Variants in ANKRD30B observed in about 807,000 individuals in gnomAD.
ANKRD30B encodes ankyrin repeat domain 30B.
In ANKRD30B, 144 loss-of-function variants were observed where a neutral mutation model predicts 202.2. The observed-to-expected ratio is 0.71, with a 90% CI of 0.62 to 0.82. The LOEUF is 0.82. Ranked by LOEUF, ANKRD30B falls within the 40% of genes least tolerant of loss-of-function variation. The probability of loss-of-function intolerance (pLI) is 0.00; values close to 1 mark genes in which losing one functional copy is unlikely to be tolerated. For missense variants in ANKRD30B, 1,487 were observed against 1,669.1 expected (o/e 0.89, Z 1.90); for synonymous variants, 508 against 561.3 (o/e 0.91, Z 1.34).
chr18:14,925,434 C>T, the ANKRD30B span, among the ~76,000 whole-genome samples: 4 of 152,252 alleles, frequency 2.6e-5, no homozygotes, highest in Non-Finnish European at 5.9e-5. Flanking sequence ...CCTTTCCTCA[C>T]ATTCGGCTCT....
rs1298284006 is a variant in ANKRD30B, at chr18:14,831,345, A to G, written c.2775-38A>G. On this transcript the variant is annotated intron_variant, in intron 33 of 43. Transcript: ENST00000690538. ...ACTGGCAGGTTTTCTTTTTAAATAT[A>G]TGAATTTGCTCATTTTTGTTTTATC... 2.5e-5 allele frequency: 33 copies of G among 1,316,658 alleles called. No individual in the cohort carries two copies. The East Asian group carries it at 8.4e-4, about 33-fold the overall frequency. The allele number at this position is 1,316,658 out of a possible 1,614,324, so 81.6% of individuals were successfully genotyped here. A position where few individuals can be genotyped will look rare whatever the true frequency, so the allele number is the denominator to read the frequency against.
intron 24 of ANKRD30B, among the ~76,000 whole-genome samples, chr18:14,805,189 A>T (rs1253739644): frequency 6.6e-6 from 1 of 150,898 alleles, no homozygotes; most frequent in Non-Finnish European, 1.5e-5. Context: ...ATTTTATAAA[A>T]CCTCATTAGC....
intron 4 of ANKRD30B, 79 bp from the exon 5 acceptor site, chr18:14,757,736 T>C: frequency 6.2e-6 from 9 of 1,441,820 alleles, no homozygotes; most frequent in Middle Eastern, 4.5e-4. Context: ...TGTTAGTACA[T>C]GTAAATGGTT....
At chr18:14,828,222 C>T (rs1970745237) in intron 32 of ANKRD30B, 56 bp from the exon 33 acceptor site, 4 of 1,320,222 alleles carry the variant, frequency 3.0e-6, no homozygotes, top group Non-Finnish European at 4.2e-6. Flanking sequence ...TTTTAATATT[C>T]TGTATTTTTT....
At chr18:14,931,985 GCCCCCCACCCCACCTCCCACCTCC>G in the ANKRD30B span, among the ~76,000 whole-genome samples, 1 of 22,544 alleles carries the variant, frequency 4.4e-5, no homozygotes, top group African/African-American at 2.1e-4. Context: ...ACTGTCCCAG[GCCCCCCACCCCACCTCCCACCTCC>G]CTCCTGCTCT....
At chr18:14,799,007 A>G (rs1969125551) in intron 20 of ANKRD30B, 94 bp from the exon 21 acceptor site, 2 of 1,247,230 alleles carry the variant, frequency 1.6e-6, no homozygotes, top group Non-Finnish European at 2.4e-6. Context: ...TCCAAGCATC[A>G]TGAGGATTCG....
the ANKRD30B span, among the ~76,000 whole-genome samples, chr18:14,896,672 T>C: frequency 6.9e-6 from 1 of 145,376 alleles, no homozygotes; most frequent in African/African-American, 2.6e-5. Flanking sequence ...TAACTTCTTT[T>C]TGTGAAATAT....
At chr18:14,797,579 C>G in intron 18 of ANKRD30B, 82 bp from the exon 19 acceptor site, 6 of 1,428,000 alleles carry the variant, frequency 4.2e-6, no homozygotes, top group Non-Finnish European at 5.9e-6. Context: ...GAGGATTCAT[C>G]TTCATATTCA....
chr18:14,808,996 T>C (rs901150569), intron 26 of ANKRD30B, among the ~76,000 whole-genome samples: 5 of 150,874 alleles, frequency 3.3e-5, no homozygotes, highest in Non-Finnish European at 7.4e-5. Context: ...GGGCCTTGTC[T>C]TTGTTCCCAG....
the ANKRD30B span, among the ~76,000 whole-genome samples, chr18:14,934,511 T>C: frequency 1.3e-5 from 2 of 152,176 alleles, no homozygotes; most frequent in Non-Finnish European, 2.9e-5. Context: ...GCACTGAAGC[T>C]TCTGCCTCAG....
At chr18:14,840,716 A>G in intron 37 of ANKRD30B, 38 bp downstream of exon 37, 1 of 1,227,514 alleles carries the variant, frequency 8.1e-7, no homozygotes. Flanking sequence ...CTTTTGTCCA[A>G]ATGTTTGTCT....
At position 14,760,680 on chromosome 18, in the gene ANKRD30B, T is replaced by A. The variant is rs1192001744; in HGVS notation, c.820+62T>A. 3.2e-6 allele frequency: 4 copies of A among 1,254,916 alleles called. No individual in the cohort carries two copies. In the Admixed American group the frequency reaches 1.0e-4, roughly 33 times the overall value. The allele number at this position is 1,254,916 out of a possible 1,614,324, so 77.7% of individuals were successfully genotyped here. A position where few individuals can be genotyped will look rare whatever the true frequency, so the allele number is the denominator to read the frequency against. The stretch of plus-strand genomic sequence containing the variant: ...TACCATAAGATTAGGGAAGTGCTGA[T>A]CACAAAAAAGCAATTCAAAAAGCAA... On this transcript the variant is annotated intron_variant, in intron 6 of 43. Coordinates refer to ENST00000690538, the MANE Select transcript of ANKRD30B (RefSeq NM_001367607.2).
intron 33 of ANKRD30B, among the ~76,000 whole-genome samples, chr18:14,828,961 T>C (rs1159994563): frequency 6.6e-6 from 1 of 152,226 alleles, no homozygotes; most frequent in African/African-American, 2.4e-5. Context: ...CTATTTCTTA[T>C]AGAATTCTCT....
intron 5 of ANKRD30B, among the ~76,000 whole-genome samples, chr18:14,758,964 G>A (rs1315261408): frequency 3.3e-5 from 5 of 152,080 alleles, no homozygotes; most frequent in African/African-American, 9.7e-5. Flanking sequence ...AGTTGTAGTG[G>A]GTTCCAACTT....
the ANKRD30B span, chr18:14,905,614 T>G: frequency 6.6e-6 from 1 of 152,186 alleles, no homozygotes; most frequent in South Asian, 2.1e-4. Flanking sequence ...AGATTTTAAA[T>G]AGAGTCCAAC....
chr18:14,809,471 A>C (rs2144050578), intron 26 of ANKRD30B, among the ~76,000 whole-genome samples: 1 of 151,000 alleles, frequency 6.6e-6, no homozygotes, highest in African/African-American at 2.4e-5. Context: ...AACCCTAAAG[A>C]GGCCTAGAAG....
At position 14,792,156 on chromosome 18, in the gene ANKRD30B, C is replaced by G. The variant is rs1347059068; in HGVS notation, c.1825+665C>G. 2.0e-5 allele frequency among the ~76,000 whole-genome samples: 3 copies of G among 152,276 alleles called. No individual in the cohort carries two copies. The East Asian group carries it at 5.8e-4, about 29-fold the overall frequency. On this transcript the variant is annotated intron_variant, in intron 16 of 43. Coordinates refer to ENST00000690538, the MANE Select transcript of ANKRD30B (RefSeq NM_001367607.2). ...GTCTGAAAACCTTGTTAACAATTCACACTGTGATTCAGCCGACTAGGGATT... is the reference window on the plus strand; with the variant it reads ...GTCTGAAAACCTTGTTAACAATTCAGACTGTGATTCAGCCGACTAGGGATT...
chr18:14,871,381 C>G, the ANKRD30B span, among the ~76,000 whole-genome samples: 1 of 151,170 alleles, frequency 6.6e-6, no homozygotes, highest in African/African-American at 2.4e-5. Flanking sequence ...CTGTGTGCAG[C>G]ATAGAAAGGT....
At chr18:14,808,465 T>G in intron 24 of ANKRD30B, 86 bp from the exon 25 acceptor site, 1 of 1,301,074 alleles carries the variant, frequency 7.7e-7, no homozygotes, top group Non-Finnish European at 1.1e-6. Context: ...GCATGAGGAC[T>G]CATCTTCATA....
Sources: gnomAD v4.1 joint callset for allele counts (sites outside exome capture counted in the v4.1 genomes callset) on GRCh38, gnomAD v4.1.1 for gene constraint, MANE v1.5 for transcripts, NCBI Gene and HGNC (gene_info 2026-07-23, HGNC 2026-07-21) for gene names.